The following BMP7 variants were observed in gnomAD, a reference collection of about 807,000 sequenced individuals.
BMP7 encodes osteogenic protein 1.
In BMP7, 12 loss-of-function variants were observed where a neutral mutation model predicts 41.2. The observed-to-expected ratio is 0.29, with a 90% CI of 0.19 to 0.47. BMP7 has a LOEUF of 0.47. Ranked by LOEUF, BMP7 falls within the 20% of genes least tolerant of loss-of-function variation. BMP7 has a pLI of 0.99. For synonymous variants in BMP7, 248 were observed against 250.0 expected (o/e 0.99, Z 0.07); for missense variants, 467 against 606.0 (o/e 0.77, Z 2.41).
chr20:57,178,789 A>G (rs1305332274), intron 4 of BMP7, among the ~76,000 whole-genome samples: 1 of 152,090 alleles, frequency 6.6e-6, no homozygotes, highest in East Asian at 1.9e-4. Context: ...AGCCAGGGAC[A>G]TTGCTGACTC....
intron 1 of BMP7, among the ~76,000 whole-genome samples, chr20:57,246,894 C>A (rs1202077031): frequency 6.6e-6 from 1 of 152,016 alleles, no homozygotes; most frequent in East Asian, 1.9e-4. Context: ...GAGGCTGAGG[C>A]AGGAGAATCA....
chr20:57,185,733 A>T (rs1306142471), intron 3 of BMP7, among the ~76,000 whole-genome samples: 1 of 152,214 alleles, frequency 6.6e-6, no homozygotes, highest in African/African-American at 2.4e-5. Flanking sequence ...TGCCTCTGTC[A>T]CTTAATGCAC....
At chr20:57,212,266 G>A (rs991948257) in intron 2 of BMP7, among the ~76,000 whole-genome samples, 2 of 152,360 alleles carry the variant, frequency 1.3e-5, no homozygotes, top group South Asian at 2.1e-4. Flanking sequence ...AGCTAAAAGG[G>A]CAGGGAAAAG....
At chr20:57,232,985 A>G (rs1035749507) in intron 1 of BMP7, among the ~76,000 whole-genome samples, 1 of 150,394 alleles carries the variant, frequency 6.6e-6, no homozygotes, top group South Asian at 2.1e-4. Context: ...GCCACTCCAC[A>G]GTGTGAAATC....
At position 57,259,344 on chromosome 20, in the gene BMP7, C is replaced by T. The variant is rs984294789; in HGVS notation, c.418+6361G>A. On this transcript the variant is annotated intron_variant, in intron 1 of 6. Transcript: ENST00000395863. This position sits in a 1 kb window ranked among gnomAD's most constrained non-coding sequence, Gnocchi z 4.7. ...ATAGAAAGCCGCGGTTGGCAGCCCC[C>T]GCTCCTGCATGGGAACAAATTAACA... 4.6e-5 allele frequency among the ~76,000 whole-genome samples: 7 copies of T among 152,340 alleles called. No homozygotes were observed. Among genetic ancestry groups the T allele is most frequent in the East Asian group, 1.9e-4 (1 of 5,184 alleles).
chr20:57,173,551 A>G (rs1983857540), intron 5 of BMP7: 1 of 597,152 alleles, frequency 1.7e-6, no homozygotes, highest in South Asian at 2.0e-5. Context: ...AGCTTAGTAG[A>G]CTGAGTGGGA....
rs976276622 is a variant in BMP7 at position 57,249,052 on chromosome 20, C to T, written c.418+16653G>A. Among the ~76,000 whole-genome samples, 3 of 152,024 alleles carry T rather than the reference C, an allele frequency of 2.0e-5. No homozygotes were observed. The South Asian group carries it at 6.2e-4, about 32-fold the overall frequency. On this transcript the variant is annotated intron_variant, in intron 1 of 6. Transcript: ENST00000395863. ...TCCTGATGTCATGATCTGCCCGCCT[C>T]GGCCTCCCAAAGTGCTAGGATTACA...
At chr20:57,175,923 C>G (rs1018553685) in intron 4 of BMP7, among the ~76,000 whole-genome samples, 3 of 152,208 alleles carry the variant, frequency 2.0e-5, no homozygotes, top group Non-Finnish European at 4.4e-5. Flanking sequence ...GTTTCCTCCA[C>G]CTGCAATGCC....
chr20:57,189,587 T>C (rs1290623781), intron 3 of BMP7, among the ~76,000 whole-genome samples: 3 of 152,220 alleles, frequency 2.0e-5, no homozygotes, highest in Non-Finnish European at 4.4e-5. Context: ...CTCTGCCCTT[T>C]ACGTAATATA....
At chr20:57,205,193 C>T (rs771811551) in intron 2 of BMP7, among the ~76,000 whole-genome samples, 16 of 152,186 alleles carry the variant, frequency 1.1e-4, no homozygotes, top group Non-Finnish European at 1.5e-4. Flanking sequence ...TCATTCCTCT[C>T]TCAAGCACAG....
chr20:57,186,584 G>A (rs1370846770), intron 3 of BMP7, among the ~76,000 whole-genome samples: 1 of 152,218 alleles, frequency 6.6e-6, no homozygotes, highest in Non-Finnish European at 1.5e-5. Flanking sequence ...AAGCAACAAA[G>A]TAGAATCTGA....
At position 57,228,508 on chromosome 20, in the gene BMP7, C is replaced by T; in HGVS notation, c.419-87G>A. The T allele has an allele frequency of 2.7e-6, 4 of 1,498,822 alleles. No individual in the cohort carries two copies. Among genetic ancestry groups the T allele is most frequent in the Non-Finnish European group, 3.7e-6 (4 of 1,076,408 alleles). The allele number at this position is 1,498,822 out of a possible 1,614,324, so 92.8% of individuals were successfully genotyped here. ...CTGGCTCTGAGTCCAAGCATCTTGC[C>T]TAAGCTAGATGGAGGCATGCCCATT... is the stretch of plus-strand genomic sequence containing the variant. On this transcript the variant is annotated intron_variant, in intron 1 of 6. Coordinates refer to ENST00000395863, the MANE Select transcript of BMP7 (RefSeq NM_001719.3). The surrounding 1 kb of genome is among the most constrained non-coding windows in gnomAD (Gnocchi z 4.5).
chr20:57,195,644 C>T (rs1984473731), intron 3 of BMP7, among the ~76,000 whole-genome samples: 1 of 152,272 alleles, frequency 6.6e-6, no homozygotes, highest in African/African-American at 2.4e-5. Context: ...GCTTAGTTTC[C>T]ACAGCCGCCG....
chr20:57,263,347 A>G (rs983480335), intron 1 of BMP7, among the ~76,000 whole-genome samples: 13 of 152,312 alleles, frequency 8.5e-5, no homozygotes, highest in South Asian at 2.1e-4. Context: ...CAGCCAGAGG[A>G]GGAAAACCAC....
At chr20:57,234,840 T>C (rs955128886) in intron 1 of BMP7, among the ~76,000 whole-genome samples, 3 of 152,248 alleles carry the variant, frequency 2.0e-5, no homozygotes, top group Admixed American at 6.5e-5. Context: ...ATCTTCTGCA[T>C]TGAACACATT....
Position 57,228,483 on chromosome 20 carries a change from C to A in BMP7, c.419-62G>T. On this transcript the variant is annotated intron_variant, in intron 1 of 6. Coordinates refer to ENST00000395863, the MANE Select transcript of BMP7 (RefSeq NM_001719.3). The surrounding 1 kb of genome is among the most constrained non-coding windows in gnomAD (Gnocchi z 4.5). ...CTCATTAGTGTCTGGGTTTCACTCT[C>A]TGGCTCTGAGTCCAAGCATCTTGCC... The A allele has an allele frequency of 6.3e-7, 1 of 1,585,190 alleles. No individual in the cohort carries two copies. Among genetic ancestry groups the A allele is most frequent in the South Asian group, 1.1e-5 (1 of 90,300 alleles).
chr20:57,239,630 G>C (rs928998595), intron 1 of BMP7, among the ~76,000 whole-genome samples: 5 of 152,224 alleles, frequency 3.3e-5, no homozygotes, highest in African/African-American at 1.2e-4. Flanking sequence ...CCCTAGCGGA[G>C]GTTCTCCATG....
rs571656965 is a variant in BMP7, at chr20:57,252,137, G to A, written c.418+13568C>T. Among the ~76,000 whole-genome samples the A allele has an allele frequency of 9.0e-5, 13 of 144,776 alleles. 1 individual carries two copies. In the South Asian group the frequency reaches 1.9e-3, roughly 21 times the overall value. The allele number at this position is 144,776 out of a possible 152,430, so 95.0% of individuals were successfully genotyped here. A position where few individuals can be genotyped will look rare whatever the true frequency, so the allele number is the denominator to read the frequency against. ...GCAGTAAAGCAGTCAGAGTGAATGCGTAAGTGGATAGATGTGTTCCAATAA... is the reference window on the plus strand; with the variant it reads ...GCAGTAAAGCAGTCAGAGTGAATGCATAAGTGGATAGATGTGTTCCAATAA... On this transcript the variant is annotated intron_variant, in intron 1 of 6. Transcript: ENST00000395863.
intron 1 of BMP7, among the ~76,000 whole-genome samples, chr20:57,242,969 C>T (rs1256908094): frequency 6.6e-6 from 1 of 152,030 alleles, no homozygotes; most frequent in South Asian, 2.1e-4. Context: ...TGCCACTGCT[C>T]TCCAGCCTGG....
Sources: allele counts gnomAD v4.1 joint callset (sites outside exome capture counted in the v4.1 genomes callset), GRCh38; gene constraint gnomAD v4.1.1; non-coding constraint Gnocchi (gnomAD v3.1); transcripts MANE v1.5; gene names NCBI Gene and HGNC (gene_info 2026-07-23, HGNC 2026-07-21).